ACOX3: variants seen among roughly 807,000 people sequenced by gnomAD.
The protein encoded by ACOX3 is peroxisomal acyl-coenzyme A oxidase 3.
A neutral mutation model predicts 81.5 loss-of-function variants in ACOX3; 73 were observed. The ratio of observed to expected loss-of-function variants is 0.90; its 90% CI spans 0.74 to 1.09. The LOEUF is 1.09. Ranked by LOEUF, ACOX3 falls within the 50% of genes least tolerant of loss-of-function variation. The pLI is 0.00. For missense variants in ACOX3, 947 were observed against 928.0 expected (o/e 1.02, Z -0.27); for synonymous variants, 387 against 375.1 (o/e 1.03, Z -0.37).
rs62286059 is a variant in ACOX3 at position 8,437,565 on chromosome 4, G to T, written c.-15+3083C>A. Among the ~76,000 whole-genome samples the T allele has an allele frequency of 0.027, 4,140 of 152,344 alleles. 69 individuals carry two copies. The highest frequency in any genetic ancestry group is 0.041 in the South Asian group (196 of 4,832). On this transcript the variant is annotated intron_variant, in intron 1 of 17. Transcript: ENST00000356406. The surrounding 1 kb of genome is among the most constrained non-coding windows in gnomAD (Gnocchi z 5.2). ...GAAAAACAAAGACTTAAGGAAAAAGGCCAATCTGTTAGCAACAGCTCTTAT... is the reference window on the plus strand; with the variant it reads ...GAAAAACAAAGACTTAAGGAAAAAGTCCAATCTGTTAGCAACAGCTCTTAT...
At chr4:8,421,502 C>T (rs1287222077) in intron 1 of ACOX3, among the ~76,000 whole-genome samples, 2 of 152,358 alleles carry the variant, frequency 1.3e-5, no homozygotes, top group East Asian at 3.9e-4. Flanking sequence ...CATGCGTGCA[C>T]CCCTATCTCT....
At chr4:8,434,031 C>T (rs1336792249) in intron 1 of ACOX3, among the ~76,000 whole-genome samples, 6 of 148,420 alleles carry the variant, frequency 4.0e-5, no homozygotes, top group African/African-American at 7.4e-5. Context: ...GGCACCACCA[C>T]GTGGCCCTAG....
At chr4:8,421,838 G>C (rs1056829541) in intron 1 of ACOX3, among the ~76,000 whole-genome samples, 7 of 152,134 alleles carry the variant, frequency 4.6e-5, no homozygotes, top group Admixed American at 6.6e-5. Flanking sequence ...TAAATGGCTA[G>C]GAGGATTGCT....
At chr4:8,360,300 A>G in the ACOX3 span, among the ~76,000 whole-genome samples, 1 of 152,234 alleles carries the variant, frequency 6.6e-6, no homozygotes, top group Non-Finnish European at 1.5e-5. Flanking sequence ...AGAAAAGTAA[A>G]AAGTGTAATG....
intron 8 of ACOX3, among the ~76,000 whole-genome samples, chr4:8,398,591 C>T (rs138203771): frequency 1.3e-5 from 2 of 152,132 alleles, no homozygotes; most frequent in Non-Finnish European, 2.9e-5. Context: ...AGTGATCCTC[C>T]CACCTCCCAC....
chr4:8,426,675 C>T (rs1204714198), intron 1 of ACOX3, among the ~76,000 whole-genome samples: 1 of 152,024 alleles, frequency 6.6e-6, no homozygotes, highest in African/African-American at 2.4e-5. Context: ...TAAAGGAAAC[C>T]CCACTTTCAC....
intron 11 of ACOX3, among the ~76,000 whole-genome samples, chr4:8,390,225 C>T (rs941396143): frequency 6.6e-6 from 1 of 152,008 alleles, no homozygotes; most frequent in African/African-American, 2.4e-5. Context: ...ACCTTTAGTC[C>T]CAGCTACCCA....
Position 8,407,888 on chromosome 4 carries a change from C to T in ACOX3, c.688-1845G>A, listed in dbSNP as rs566677321. The stretch of plus-strand genomic sequence containing the variant: ...CCTTCCCCTTCCCCACCAGGGGACA[C>T]GGGTGGTGTCTGGAGAGATTCTGGT... On this transcript the variant is annotated intron_variant, in intron 6 of 17. Coordinates refer to ENST00000356406, the MANE Select transcript of ACOX3 (RefSeq NM_003501.3). This position sits in a 1 kb window ranked among gnomAD's most constrained non-coding sequence, Gnocchi z 4.6. Among the ~76,000 whole-genome samples, 2 of 152,314 alleles carry T rather than the reference C, an allele frequency of 1.3e-5. No homozygotes were observed. Among genetic ancestry groups the T allele is most frequent in the Admixed American group, 6.5e-5 (1 of 15,300 alleles).
At chr4:8,425,929 A>G (rs568019033) in intron 1 of ACOX3, among the ~76,000 whole-genome samples, 1 of 152,236 alleles carries the variant, frequency 6.6e-6, no homozygotes, top group East Asian at 1.9e-4. Flanking sequence ...CACAATCCTC[A>G]GGGAAGGTCG....
the ACOX3 span, chr4:8,356,943 G>C: frequency 2.2e-6 from 1 of 454,378 alleles, no homozygotes; most frequent in African/African-American, 2.1e-5. Flanking sequence ...GCGAGAAGAA[G>C]AAGGTGAAGT....
In ACOX3 at chr4:8,394,544, A is replaced by G; in HGVS notation, c.1179+76T>C. 1 of 1,561,308 alleles carries G rather than the reference A, an allele frequency of 6.4e-7. No homozygotes were observed. The highest frequency in any genetic ancestry group is 8.7e-7 in the Non-Finnish European group (1 of 1,150,752). ...AATCAAAGGACTGATTTTGCTTTGA[A>G]ATGAAGGTTGAATCTATGCTGCTCC... On this transcript the variant is annotated intron_variant, in intron 10 of 17. Coordinates refer to ENST00000356406, the MANE Select transcript of ACOX3 (RefSeq NM_003501.3). This position sits in a 1 kb window ranked among gnomAD's most constrained non-coding sequence, Gnocchi z 5.9.
rs1724577287 is a variant in ACOX3 at position 8,440,695 on chromosome 4, A to T, written c.-62T>A. 11 of 1,197,668 alleles carry T rather than the reference A, an allele frequency of 9.2e-6. No individual in the cohort carries two copies. Among genetic ancestry groups the T allele is most frequent in the Non-Finnish European group, 1.2e-5 (11 of 910,638 alleles). The allele number at this position is 1,197,668 out of a possible 1,614,324, so 74.2% of individuals were successfully genotyped here. A position where few individuals can be genotyped will look rare whatever the true frequency, so the allele number is the denominator to read the frequency against. The stretch of plus-strand genomic sequence containing the variant: ...CCTGCCAGGGAAACCAAAAGCAGGA[A>T]AGGATCTCCAGCGGCGCCATTCTCA... On this transcript the variant is annotated 5_prime_UTR_variant, in exon 1 of 18. Transcript: ENST00000356406.
chr4:8,393,615 G>GCACACACACACACACACACACGCA (rs1216820834), intron 10 of ACOX3, among the ~76,000 whole-genome samples: 1 of 140,506 alleles, frequency 7.1e-6, no homozygotes, highest in African/African-American at 2.8e-5. Flanking sequence ...ACACACACAC[G>GCACACACACACACACACACACGCA]CACACACACA....
At chr4:8,395,715 C>T (rs1210593847) in intron 9 of ACOX3, among the ~76,000 whole-genome samples, 1 of 151,898 alleles carries the variant, frequency 6.6e-6, no homozygotes, top group African/African-American at 2.4e-5. Context: ...TCTTGACCGC[C>T]GAGCTGCCCT....
chr4:8,394,907 T>C lies in ACOX3; in HGVS notation c.1057-165A>G, dbSNP rs528695679. 1.1e-3 allele frequency: 1,053 copies of C among 919,012 alleles called. 2 individuals are homozygous for C. The highest frequency in any genetic ancestry group is 1.5e-3 in the Non-Finnish European group (973 of 640,476). 56.9% of individuals were successfully genotyped at this position (919,012 alleles called of 1,614,324 possible). ...CCGGCACATCAGAAAGCCTTCACCCTGACACGCTCTCAACTCAGCCAGTTC... is the reference window on the plus strand; with the variant it reads ...CCGGCACATCAGAAAGCCTTCACCCCGACACGCTCTCAACTCAGCCAGTTC... On this transcript the variant is annotated intron_variant, in intron 9 of 17. Transcript: ENST00000356406. The surrounding 1 kb of genome is among the most constrained non-coding windows in gnomAD (Gnocchi z 5.9).
At position 8,366,712 on chromosome 4, in the gene ACOX3, T is replaced by C. The variant is rs1715488048; in HGVS notation, c.*249A>G. 2.9e-6 allele frequency: 1 copy of C among 350,086 alleles called. No homozygotes were observed. Among genetic ancestry groups the C allele is most frequent in the Non-Finnish European group, 5.2e-6 (1 of 190,762 alleles). The allele number at this position is 350,086 out of a possible 1,614,324, so 21.7% of individuals were successfully genotyped here. ...TAATTATCAAAAAACCCACGGCGCA[T>C]CAGGTAGACATGATCATCTGCATTT... On this transcript the variant is annotated 3_prime_UTR_variant, in exon 18 of 18. Coordinates refer to ENST00000356406, the MANE Select transcript of ACOX3 (RefSeq NM_003501.3).
intron 9 of ACOX3, among the ~76,000 whole-genome samples, chr4:8,395,426 G>A (rs1432037413): frequency 4.0e-5 from 6 of 151,722 alleles, no homozygotes; most frequent in Non-Finnish European, 5.9e-5. Context: ...GTGGGTGGCT[G>A]GGTACATGGC....
chr4:8,417,303 T>G (rs533788824), intron 1 of ACOX3, among the ~76,000 whole-genome samples: 5 of 152,198 alleles, frequency 3.3e-5, no homozygotes, highest in Non-Finnish European at 7.3e-5. Context: ...AACTTTTGAG[T>G]CCTTTGAGCT....
At position 8,368,120 on chromosome 4, in the gene ACOX3, C is replaced by T. The variant is rs1437804919; in HGVS notation, c.1984-1040G>A. Among the ~76,000 whole-genome samples the T allele has an allele frequency of 1.3e-5, 2 of 152,252 alleles. No individual in the cohort carries two copies. Among genetic ancestry groups the T allele is most frequent in the East Asian group, 1.9e-4 (1 of 5,196 alleles). ...TCTGCTCTCACACCCCAGGCCGCTA[C>T]AGGCCGCACAGGTGGCACGTGGCCA... On this transcript the variant is annotated intron_variant, in intron 17 of 17. Coordinates refer to ENST00000356406, the MANE Select transcript of ACOX3 (RefSeq NM_003501.3). The surrounding 1 kb of genome is among the most constrained non-coding windows in gnomAD (Gnocchi z 5.9).
Sources: allele counts gnomAD v4.1 joint callset (sites outside exome capture counted in the v4.1 genomes callset), GRCh38; gene constraint gnomAD v4.1.1; non-coding constraint Gnocchi (gnomAD v3.1); transcripts MANE v1.5; gene names NCBI Gene and HGNC (gene_info 2026-07-23, HGNC 2026-07-21).